The following CD99L2 variants were observed in gnomAD, a reference collection of about 807,000 sequenced individuals.
CD99L2 encodes the protein CD99 antigen-like protein 2.
CD99L2 carries 24 observed loss-of-function variants against 27.3 expected under a neutral mutation model. The observed-to-expected ratio is 0.88, with a 90% CI of 0.64 to 1.24. The LOEUF (loss-of-function observed/expected upper bound fraction) is 1.24. CD99L2 is among the 50% of genes most tolerant of loss of function. The pLI, the probability that CD99L2 is intolerant of heterozygous loss-of-function variation, is 0.00. For missense variants in CD99L2, 255 were observed against 221.6 expected (o/e 1.15, Z -0.96); for synonymous variants, 97 against 87.9 (o/e 1.10, Z -0.58).
intron 2 of CD99L2, 132 bp downstream of exon 2, chrX:150,831,099 G>A (rs1439277941): frequency 6.2e-5 from 33 of 533,213 alleles, no homozygotes; most frequent in East Asian, 1.5e-4. Flanking sequence ...GTGAGCTACC[G>A]TGTCCGGGCA....
intron 1 of CD99L2, among the ~76,000 whole-genome samples, chrX:150,892,329 G>A (rs782696151): frequency 1.8e-5 from 2 of 109,533 alleles, no homozygotes; most frequent in Non-Finnish European, 3.8e-5. Context: ...ACAGGAGGCC[G>A]GGCACGGTGG....
rs895768485 is a variant in CD99L2 at position 150,850,932 on chromosome X, G to A, written c.68-19639C>T. On this transcript the variant is annotated intron_variant, in intron 1 of 10. Coordinates refer to ENST00000370377, the MANE Select transcript of CD99L2 (RefSeq NM_031462.4). Reference sequence around the variant, plus strand: ...AGCTCACCGCAACCTCTGCCTCCCGGGTTCAAGTGATTCTCCTGCCTCAGC... The same window carrying A: ...AGCTCACCGCAACCTCTGCCTCCCGAGTTCAAGTGATTCTCCTGCCTCAGC... Among the ~76,000 whole-genome samples the A allele has an allele frequency of 1.7e-3, 184 of 111,384 alleles. 1 individual carries two copies. The highest frequency in any genetic ancestry group is 5.1e-3 in the African/African-American group (156 of 30,579).
At chrX:150,795,144 C>T (rs2045773036) in intron 6 of CD99L2, 62 bp downstream of exon 6, 1 of 1,155,862 alleles carries the variant, frequency 8.7e-7, no homozygotes, top group East Asian at 3.0e-5. Flanking sequence ...CAGGCCCAAG[C>T]TGGCTCTGGC....
intron 4 of CD99L2, among the ~76,000 whole-genome samples, chrX:150,803,590 A>C (rs2045951648): frequency 8.9e-6 from 1 of 112,138 alleles, no homozygotes; most frequent in East Asian, 2.8e-4. Context: ...AGACAGATCA[A>C]TCAAACAGAA....
intron 7 of CD99L2, among the ~76,000 whole-genome samples, chrX:150,789,374 G>A (rs1313746359): frequency 9.0e-6 from 1 of 111,258 alleles, no homozygotes; most frequent in Non-Finnish European, 1.9e-5. Flanking sequence ...CACCCGCGTC[G>A]GCCTCCAGAA....
chrX:150,774,909 A>G (rs1569565860), intron 9 of CD99L2, among the ~76,000 whole-genome samples: 1 of 111,955 alleles, frequency 8.9e-6, no homozygotes, highest in African/African-American at 3.2e-5. Context: ...TTCCCTGCTC[A>G]TGCCACTCTA....
intron 1 of CD99L2, among the ~76,000 whole-genome samples, chrX:150,842,874 C>T (rs1030658473): frequency 8.9e-6 from 1 of 112,243 alleles, no homozygotes. Context: ...CTGCTCTAGA[C>T]AGTGAGCTGC....
In CD99L2 at chrX:150,886,002, T is replaced by C. The variant is rs960011527; in HGVS notation, c.67+12520A>G. 5.3e-5 allele frequency among the ~76,000 whole-genome samples: 6 copies of C among 112,261 alleles called. No homozygotes were observed. In the Admixed American group the frequency reaches 5.7e-4, roughly 11 times the overall value. ...TAACTACACAGATTGGTGATGCATA[T>C]GGTCTCACTAGGGTGACCTGAAAGC... is the stretch of plus-strand genomic sequence containing the variant. On this transcript the variant is annotated intron_variant, in intron 1 of 10. Coordinates refer to ENST00000370377, the MANE Select transcript of CD99L2 (RefSeq NM_031462.4).
chrX:150,889,102 T>C, intron 1 of CD99L2, among the ~76,000 whole-genome samples: 1 of 112,971 alleles, frequency 8.9e-6, no homozygotes, highest in East Asian at 2.8e-4. Context: ...TCTTTTAAGA[T>C]ACATGTGACT....
At chrX:150,769,661 GT>G (rs1256144970) in intron 10 of CD99L2, among the ~76,000 whole-genome samples, 1 of 108,026 alleles carries the variant, frequency 9.3e-6, no homozygotes, top group Non-Finnish European at 1.9e-5. Context: ...CGCCTGAGCT[GT>G]CCTAGTCTCC....
At chrX:150,775,219 G>A (rs967758277) in intron 9 of CD99L2, among the ~76,000 whole-genome samples, 3 of 112,120 alleles carry the variant, frequency 2.7e-5, no homozygotes, top group Non-Finnish European at 3.8e-5. Flanking sequence ...AAAGACCCAC[G>A]TGGGTTGCTT....
rs2043364123 is a variant in CD99L2, at chrX:150,769,100, CA to C, written c.722del (p.Val241GlyfsTer68). The C allele has an allele frequency of 8.6e-7, 1 of 1,161,736 alleles. No individual in the cohort carries two copies. Among genetic ancestry groups the C allele is most frequent in the African/African-American group, 1.9e-5 (1 of 53,748 alleles). ...LEAVVCEEPQ[V>X]KYSTLHTQSA... The stretch of plus-strand genomic sequence containing the variant: ...ACTGCGTGTGCAACGTGGAGTATTT[CA>C]CTAGGGGAAAAAGAGGCCGTCAGAA... On this transcript the variant is annotated frameshift_variant and splice_region_variant, in exon 11 of 11. Coordinates refer to ENST00000370377, the MANE Select transcript of CD99L2 (RefSeq NM_031462.4). LOFTEE classifies it high-confidence loss of function.
chrX:150,825,641 G>C lies in CD99L2; in HGVS notation c.130+5590C>G, dbSNP rs782033240. 6.2e-5 allele frequency among the ~76,000 whole-genome samples: 7 copies of C among 112,475 alleles called. No individual in the cohort carries two copies. The South Asian group carries it at 2.6e-3, about 41-fold the overall frequency. ...TTAACTACAGATTTTTGTGTTGTAA[G>C]TCTTTAAATGGGATTTCTTATTCGT... On this transcript the variant is annotated intron_variant, in intron 2 of 10. Transcript: ENST00000370377.
At chrX:150,773,779 C>T (rs1426090698) in intron 9 of CD99L2, among the ~76,000 whole-genome samples, 2 of 112,708 alleles carry the variant, frequency 1.8e-5, no homozygotes, top group Non-Finnish European at 3.7e-5. Context: ...AGAGAATCAA[C>T]TTCTGTTGTT....
chrX:150,830,715 G>T (rs1216114626), intron 2 of CD99L2, among the ~76,000 whole-genome samples: 2 of 112,027 alleles, frequency 1.8e-5, no homozygotes, highest in African/African-American at 6.5e-5. Flanking sequence ...TACAGAAACT[G>T]ATATATCAGT....
At chrX:150,785,226 G>A (rs185225703) in intron 7 of CD99L2, among the ~76,000 whole-genome samples, 63 of 110,266 alleles carry the variant, frequency 5.7e-4, no homozygotes, top group African/African-American at 1.7e-3. Context: ...CACTAAAGAG[G>A]CTTTTGTTGT....
At chrX:150,788,282 G>A (rs2045631450) in intron 7 of CD99L2, among the ~76,000 whole-genome samples, 1 of 111,575 alleles carries the variant, frequency 9.0e-6, no homozygotes, top group African/African-American at 3.3e-5. Context: ...CTTTTGTGAT[G>A]TGTCTGTTCA....
intron 7 of CD99L2, among the ~76,000 whole-genome samples, chrX:150,787,065 T>C (rs1289392289): frequency 1.8e-5 from 2 of 112,340 alleles, no homozygotes; most frequent in Non-Finnish European, 1.9e-5. Flanking sequence ...TGGGATGGTT[T>C]GTTTTTTGCT....
chrX:150,884,391 T>A (rs1266711285), intron 1 of CD99L2, among the ~76,000 whole-genome samples: 1 of 111,670 alleles, frequency 9.0e-6, no homozygotes, highest in Non-Finnish European at 1.9e-5. Flanking sequence ...AATATATAAG[T>A]AGTTGGGCTG....
Sources: allele counts gnomAD v4.1 joint callset (sites outside exome capture counted in the v4.1 genomes callset), GRCh38; gene constraint gnomAD v4.1.1; transcripts MANE v1.5; gene names NCBI Gene and HGNC (gene_info 2026-07-23, HGNC 2026-07-21).